WDR90: variants seen among roughly 807,000 people sequenced by gnomAD.
WDR90 encodes WD repeat-containing protein 90.
In WDR90, 238 loss-of-function variants were observed where a neutral mutation model predicts 195.2. That is an observed-to-expected ratio of 1.22 (90% CI 1.10 to 1.36). WDR90 has a LOEUF of 1.36. Ranked by LOEUF, WDR90 falls within the 40% of genes most tolerant of loss-of-function variation. WDR90 has a pLI of 0.00. For synonymous variants in WDR90, 1,265 were observed against 1,052.4 expected (o/e 1.20, Z -3.91); for missense variants, 2,734 against 2,439.5 (o/e 1.12, Z -2.54).
intron 26 of WDR90, 100 bp from the exon 27 acceptor site, chr16:659,958 T>G: frequency 2.2e-6 from 2 of 906,324 alleles, no homozygotes; most frequent in Non-Finnish European, 1.6e-6. Context: ...GTTCTCACTG[T>G]GTGGTAGACC....
intron 29 of WDR90, 75 bp downstream of exon 29, chr16:661,247 G>A (rs548701266): frequency 6.3e-4 from 964 of 1,524,238 alleles, no homozygotes; most frequent in Non-Finnish European, 8.1e-4. Context: ...GACCGGTGCG[G>A]GTTCTCACCA....
intron 26 of WDR90, 95 bp downstream of exon 26, chr16:659,471 G>A: frequency 1.3e-6 from 2 of 1,484,836 alleles, no homozygotes; most frequent in East Asian, 2.4e-5. Flanking sequence ...TCCAGCTCTG[G>A]GGTGCAGGTG....
In WDR90 at chr16:650,314, A is replaced by T. The variant is rs1397716845; in HGVS notation, c.340A>T (p.Thr114Ser). 3.1e-6 allele frequency: 5 copies of T among 1,612,830 alleles called. No individual in the cohort carries two copies. The highest frequency in any genetic ancestry group is 4.2e-6 in the Non-Finnish European group (5 of 1,179,980). Reference sequence around the variant, plus strand: ...CTTCAAGGAGTTTAAGTCTACGGCCACGTGGCTCCAGTTTCCCTTGGTCCT... The same window carrying T: ...CTTCAAGGAGTTTAAGTCTACGGCCTCGTGGCTCCAGTTTCCCTTGGTCCT... ...NLFKEFKSTA[T>S]WLQFPLVLEA... Residue 114 changes from threonine to serine, a missense_variant, in exon 4 of 41, where the codon ACG becomes TCG. Thr to Ser is a moderately conservative substitution (Grantham distance 58). Coordinates refer to ENST00000293879, the MANE Select transcript of WDR90 (RefSeq NM_145294.5).
intron 19 of WDR90, 102 bp from the exon 20 acceptor site, chr16:656,989 C>T (rs1482864169): frequency 6.4e-7 from 1 of 1,557,896 alleles, no homozygotes; most frequent in South Asian, 1.2e-5. Context: ...TTTGCTGCCC[C>T]ATGGGGACTT....
upstream of WDR90, chr16:649,279 C>G (rs2037588305): frequency 5.5e-6 from 6 of 1,090,922 alleles, no homozygotes; most frequent in Middle Eastern, 2.4e-4. Context: ...GGGGAGGTCA[C>G]GTGGCCAGGG....
At chr16:652,894 C>T (rs989612022) in intron 10 of WDR90, among the ~76,000 whole-genome samples, 2 of 152,224 alleles carry the variant, frequency 1.3e-5, no homozygotes, top group African/African-American at 4.8e-5. Flanking sequence ...CTGTAGGTCC[C>T]TCATGGGTGA....
At position 662,305 on chromosome 16, in the gene WDR90, G is replaced by T; in HGVS notation, c.4119G>T (p.Glu1373Asp). Residue 1373 changes from glutamate to aspartate, a missense_variant, in exon 33 of 41, where the codon GAG becomes GAT. Glu to Asp is a conservative substitution (Grantham distance 45). Coordinates refer to ENST00000293879, the MANE Select transcript of WDR90 (RefSeq NM_145294.5). The stretch of plus-strand genomic sequence containing the variant: ...TGTGGGCCGTGGGGGCTGTGTCGGA[G>T]CTGAGGTGCAAGGGCTCAGGCGCCA... The part of the protein sequence containing the change: ...LRLWAVGAVS[E>D]LRCKGSGASS... The T allele has an allele frequency of 6.4e-7, 1 of 1,574,326 alleles. No homozygotes were observed. Among genetic ancestry groups the T allele is most frequent in the Non-Finnish European group, 8.6e-7 (1 of 1,161,004 alleles).
In WDR90 at chr16:658,739, AG is replaced by A. The variant is rs2037818204; in HGVS notation, c.2895+89del. 6 of 1,564,312 alleles carry A rather than the reference AG, an allele frequency of 3.8e-6. No individual in the cohort carries two copies. In the South Asian group the frequency reaches 7.0e-5, roughly 18 times the overall value. On this transcript the variant is annotated intron_variant, in intron 23 of 40. Coordinates refer to ENST00000293879, the MANE Select transcript of WDR90 (RefSeq NM_145294.5). ...GACCCCTGCAGGTGTGGGTGGGGGC[AG>A]GGAGAGCAGAAGGTGAGGGGTGAGA...
At chr16:665,369 A>T in intron 34 of WDR90, 1 of 555,552 alleles carries the variant, frequency 1.8e-6, no homozygotes, top group Non-Finnish European at 3.2e-6. Context: ...TTTCAGCCTC[A>T]GTCTGTAGCC....
chr16:655,409 C>T lies in WDR90; in HGVS notation c.1659C>T (p.Phe553=), dbSNP rs569657851. Residue 553 remains phenylalanine (F), a synonymous_variant, in exon 15 of 41, where the codon TTC becomes TTT. Transcript: ENST00000293879. ...TAGGGGAGCACCACGCGCTGCAGTT[C>T]ACCGACCTGGCCTTCAAGCAGGCCC... The part of the protein sequence containing the change: ...VDLGEHHALQ[F]TDLAFKQARD... 139 of 1,590,368 alleles carry T rather than the reference C, an allele frequency of 8.7e-5. 3 individuals carry two copies. In the South Asian group the frequency reaches 1.5e-3, roughly 18 times the overall value.
chr16:661,464 G>C lies in WDR90; in HGVS notation c.3636G>C (p.Leu1212=). ...IFPHSTTVLA[L]AFSPDDRLLV... ...CCCATAGCACCACCGTGCTGGCCCTGGCCTTCTCACCAGATGACAGGCTTC... is the reference window on the plus strand; with the variant it reads ...CCCATAGCACCACCGTGCTGGCCCTCGCCTTCTCACCAGATGACAGGCTTC... Residue 1212 remains leucine, a synonymous_variant, in exon 30 of 41, where the codon CTG becomes CTC. Transcript: ENST00000293879. The C allele has an allele frequency of 6.2e-7, 1 of 1,611,306 alleles. No individual in the cohort carries two copies. The highest frequency in any genetic ancestry group is 8.5e-7 in the Non-Finnish European group (1 of 1,179,038).
chr16:663,184 T>G, intron 34 of WDR90: 1 of 392,838 alleles, frequency 2.5e-6, no homozygotes, highest in Non-Finnish European at 5.0e-6. Flanking sequence ...ATGCCTGTGA[T>G]CCCAGCACTC....
upstream of WDR90, chr16:649,276 T>C: frequency 9.6e-7 from 1 of 1,040,394 alleles, no homozygotes; most frequent in Non-Finnish European, 1.3e-6. Context: ...ACCGGGGAGG[T>C]CACGTGGCCA....
At chr16:649,451 C>T (rs1241144409) in intron 1 of WDR90, 25 bp downstream of exon 1, 3 of 1,296,188 alleles carry the variant, frequency 2.3e-6, no homozygotes, top group Non-Finnish European at 2.9e-6. Flanking sequence ...GCGGGGGTCC[C>T]GAGGATCCCG....
chr16:656,718 C>T lies in WDR90; in HGVS notation c.2203-14C>T. The T allele has an allele frequency of 1.2e-6, 2 of 1,608,588 alleles. No homozygotes were observed. The highest frequency in any genetic ancestry group is 1.7e-6 in the Non-Finnish European group (2 of 1,177,236). On this transcript the variant is annotated splice_polypyrimidine_tract_variant and intron_variant, in intron 18 of 40. Coordinates refer to ENST00000293879, the MANE Select transcript of WDR90 (RefSeq NM_145294.5). ...GATCCCTGCCCTCCCCTCAGCACGG[C>T]CCCTGTCCCACAGCTATACGACTTC...
rs186722655 is a variant in WDR90 at position 663,102 on chromosome 16, G to A, written c.4311+258G>A. On this transcript the variant is annotated intron_variant, in intron 34 of 40. Transcript: ENST00000293879. ...TGTCCTTTCCCTGCTATTGCTTTGC[G>A]TTTTTTTGTTTGTTTGTTTTTTGTT... The A allele has an allele frequency of 3.2e-4, 200 of 632,448 alleles. 1 individual carries two copies. The highest frequency in any genetic ancestry group is 2.3e-3 in the African/African-American group (128 of 54,856). 39.2% of individuals were successfully genotyped at this position (632,448 alleles called of 1,614,324 possible). A position where few individuals can be genotyped will look rare whatever the true frequency, so the allele number is the denominator to read the frequency against.
chr16:650,471 A>T lies in WDR90; in HGVS notation c.389-68A>T, dbSNP rs1335595984. The T allele has an allele frequency of 1.9e-6, 3 of 1,588,134 alleles. No individual in the cohort carries two copies. In the Admixed American group the frequency reaches 5.1e-5, roughly 27 times the overall value. On this transcript the variant is annotated intron_variant, in intron 4 of 40. Transcript: ENST00000293879. ...TGGAGGACAACCTGGCGGGGGCACAAGCTCACAGTTCTGGGAGTCGCGGGC... is the reference window on the plus strand; with the variant it reads ...TGGAGGACAACCTGGCGGGGGCACATGCTCACAGTTCTGGGAGTCGCGGGC...
chr16:655,784 G>T lies in WDR90; in HGVS notation c.1861G>T (p.Ala621Ser), dbSNP rs1242795123. 6.3e-7 allele frequency: 1 copy of T among 1,588,772 alleles called. No homozygotes were observed. Among genetic ancestry groups the T allele is most frequent in the Non-Finnish European group, 8.6e-7 (1 of 1,168,502 alleles). The change falls in exon 17 of 41, where the codon GCC (alanine) becomes TCC (serine). Residue 621 changes from alanine (A) to serine (S), a missense_variant. By Grantham distance (99) the Ala-to-Ser change is moderately conservative. Transcript: ENST00000293879. Reference sequence around the variant, plus strand: ...CTCCCTGCCCCCAGGCCCCGGCATTGCCATCAGCAGCCTCAGCGTCTCCCC... The same window carrying T: ...CTCCCTGCCCCCAGGCCCCGGCATTTCCATCAGCAGCCTCAGCGTCTCCCC... ...KQTFSSGPGIAISSLSVSPAM... is the reference protein window; with the variant it reads ...KQTFSSGPGISISSLSVSPAM...
At position 665,990 on chromosome 16, in the gene WDR90, G is replaced by A. The variant is rs7190775; in HGVS notation, c.4475G>A (p.Arg1492His). The A allele has an allele frequency of 0.42, 680,551 of 1,602,310 alleles. 164,296 individuals are homozygous for A. The highest frequency in any genetic ancestry group is 0.97 in the East Asian group (43,720 of 44,858). The change falls in exon 36 of 41, where the codon CGC becomes CAC. Residue 1492 changes from arginine (R) to histidine (H), a missense_variant. Transcript: ENST00000293879. Reference sequence around the variant, plus strand: ...GCATGGAGCCCCCCGTGCTGTGGCCGCCCTGAGCAGCAGCGGCTAGCGGCT... The same window carrying A: ...GCATGGAGCCCCCCGTGCTGTGGCCACCCTGAGCAGCAGCGGCTAGCGGCT... ...CLAWSPPCCG[R>H]PEQQRLAAGY... is the part of the protein sequence containing the mutation.
Sources: allele counts gnomAD v4.1 joint callset (sites outside exome capture counted in the v4.1 genomes callset), GRCh38; gene constraint gnomAD v4.1.1; transcripts MANE v1.5; gene names NCBI Gene and HGNC (gene_info 2026-07-23, HGNC 2026-07-21).